The following FREM2 variants were observed in gnomAD, a reference collection of about 807,000 sequenced individuals.
FREM2 encodes the protein FRAS1-related extracellular matrix protein 2.
A neutral mutation model predicts 219.9 loss-of-function variants in FREM2; 119 were observed. The observed-to-expected ratio is 0.54, with a 90% CI of 0.47 to 0.63. FREM2 has a LOEUF of 0.63. Ranked by LOEUF, FREM2 falls within the 30% of genes least tolerant of loss-of-function variation. FREM2 has a pLI of 0.00. For synonymous variants in FREM2, 1,562 were observed against 1,522.8 expected (o/e 1.03, Z -0.60); for missense variants, 4,030 against 3,993.6 (o/e 1.01, Z -0.25).
intron 2 of FREM2, among the ~76,000 whole-genome samples, chr13:38,741,474 A>T (rs1042874798): frequency 6.6e-6 from 1 of 152,106 alleles, no homozygotes; most frequent in African/African-American, 2.4e-5. Flanking sequence ...TGCTCAATAA[A>T]TTTTTCTGAA....
chr13:38,841,042 T>C (rs1876943265), intron 6 of FREM2, among the ~76,000 whole-genome samples: 1 of 152,190 alleles, frequency 6.6e-6, no homozygotes, highest in Admixed American at 6.5e-5. Context: ...ATATGCATCC[T>C]AGTTCTGCTA....
At position 38,861,967 on chromosome 13, in the gene FREM2, G is replaced by A. The variant is rs914158317; in HGVS notation, c.7651+405G>A. On this transcript the variant is annotated intron_variant, in intron 15 of 23. Coordinates refer to ENST00000280481, the MANE Select transcript of FREM2 (RefSeq NM_207361.6). ...CTCTCTCAATATTTATCATGTAACT[G>A]TAAGACATTTCCAAGATATTTAAAT... Among the ~76,000 whole-genome samples the A allele has an allele frequency of 3.9e-5, 6 of 152,114 alleles. No individual in the cohort carries two copies. In the East Asian group the frequency reaches 1.2e-3, roughly 29 times the overall value.
At chr13:38,740,486 T>C (rs914839103) in intron 2 of FREM2, among the ~76,000 whole-genome samples, 2 of 152,192 alleles carry the variant, frequency 1.3e-5, no homozygotes, top group African/African-American at 4.8e-5. Flanking sequence ...TTGGAGCTAG[T>C]AGATGAATTT....
chr13:38,869,702 C>T (rs1878093818), intron 16 of FREM2, among the ~76,000 whole-genome samples: 1 of 152,194 alleles, frequency 6.6e-6, no homozygotes, highest in Non-Finnish European at 1.5e-5. Context: ...TGATTCCACT[C>T]TACCTTTGTG....
intron 2 of FREM2, among the ~76,000 whole-genome samples, chr13:38,719,245 A>T (rs190298212): frequency 6.6e-6 from 1 of 152,124 alleles, no homozygotes; most frequent in Admixed American, 6.5e-5. Context: ...TTTGAGATGG[A>T]GTTTCGCTCT....
At chr13:38,718,043 T>C (rs1392032361) in intron 2 of FREM2, among the ~76,000 whole-genome samples, 4 of 152,204 alleles carry the variant, frequency 2.6e-5, no homozygotes, top group African/African-American at 7.2e-5. Context: ...AATTAGCAAT[T>C]AACTGTGTCT....
At position 38,687,712 on chromosome 13, in the gene FREM2, G is replaced by A. The variant is rs114929883; in HGVS notation, c.368G>A (p.Ser123Asn). The change falls in exon 1 of 24, where the codon AGT (serine) becomes AAT (asparagine). Residue 123 changes from serine (S) to asparagine (N), a missense_variant. By Grantham distance (46) the Ser-to-Asn change is conservative. This residue lies in a region of FREM2 where 3,102 missense variants were observed against 2,950.7 expected (regional missense o/e 1.05). Coordinates refer to ENST00000280481, the MANE Select transcript of FREM2 (RefSeq NM_207361.6). ...CTGGCCCAGCGACCGGGCCGCCTGA[G>A]TCCCAAGCGCTTCCCGTGCGACTTT... ...DALAQRPGRL[S>N]PKRFPCDFGP... is the part of the protein sequence containing the mutation. 1.9e-6 allele frequency: 3 copies of A among 1,559,800 alleles called. No homozygotes were observed. The East Asian group carries it at 6.8e-5, about 35-fold the overall frequency.
chr13:38,758,549 C>G (rs1873106149), intron 2 of FREM2, among the ~76,000 whole-genome samples: 2 of 152,146 alleles, frequency 1.3e-5, no homozygotes, highest in Admixed American at 6.5e-5. Context: ...GAATGCCAGC[C>G]CCTGGGGGCA....
In FREM2 at chr13:38,692,230, A is replaced by T. The variant is rs553816676; in HGVS notation, c.4886A>T (p.Tyr1629Phe). 3.1e-6 allele frequency: 5 copies of T among 1,614,084 alleles called. No homozygotes were observed. The highest frequency in any genetic ancestry group is 3.3e-5 in the Admixed American group (2 of 60,010). ...TVTDGTHTDF[Y>F]VFPDTVFETR... ...ACTGATGGCACCCATACAGACTTCT[A>T]TGTTTTTCCTGATACGGTGTTTGAA... The change falls in exon 1 of 24, where the codon TAT becomes TTT. Residue 1629 changes from tyrosine (Y) to phenylalanine (F), a missense_variant. Around this residue, in one of 2 missense-constraint regions of FREM2, gnomAD observed 3,102 missense variants for 2,950.7 expected, o/e 1.05. Coordinates refer to ENST00000280481, the MANE Select transcript of FREM2 (RefSeq NM_207361.6).
In FREM2 at chr13:38,878,990, C is replaced by G. The variant is rs1329560497; in HGVS notation, c.9006+13C>G. 6.2e-7 allele frequency: 1 copy of G among 1,613,782 alleles called. No homozygotes were observed. Among genetic ancestry groups the G allele is most frequent in the Non-Finnish European group, 8.5e-7 (1 of 1,179,634 alleles). On this transcript the variant is annotated intron_variant, in intron 23 of 23. Transcript: ENST00000280481. ...ACCACTCTTTCAGGTAGGCCAAAAA[C>G]AAGCTCATTTGTAGTAGTTGTGTAC...
chr13:38,706,043 A>G (rs1391735131), intron 2 of FREM2, among the ~76,000 whole-genome samples: 1 of 152,250 alleles, frequency 6.6e-6, no homozygotes, highest in Non-Finnish European at 1.5e-5. Flanking sequence ...CATTACAAAA[A>G]TGATAACAAA....
At chr13:38,822,313 G>A (rs1014644908) in intron 6 of FREM2, among the ~76,000 whole-genome samples, 12 of 150,188 alleles carry the variant, frequency 8.0e-5, no homozygotes, top group Non-Finnish European at 1.3e-4. Context: ...AAGCTCTGTG[G>A]TCAAAATGCC....
At chr13:38,749,559 C>T (rs1352062438) in intron 2 of FREM2, among the ~76,000 whole-genome samples, 1 of 152,084 alleles carries the variant, frequency 6.6e-6, no homozygotes, top group African/African-American at 2.4e-5. Context: ...CATTTGGGGC[C>T]AGATAATTCT....
chr13:38,768,015 C>T lies in FREM2; in HGVS notation c.5411-1563C>T, dbSNP rs552593583. On this transcript the variant is annotated intron_variant, in intron 3 of 23. Coordinates refer to ENST00000280481, the MANE Select transcript of FREM2 (RefSeq NM_207361.6). Reference sequence around the variant, plus strand: ...TCAAATGACTCTTATATAAGCACTACGAAGGCAAGAGTTTTTGTCTGTTTT... The same window carrying T: ...TCAAATGACTCTTATATAAGCACTATGAAGGCAAGAGTTTTTGTCTGTTTT... 9.9e-5 allele frequency among the ~76,000 whole-genome samples: 15 copies of T among 152,164 alleles called. No homozygotes were observed. In the East Asian group the frequency reaches 2.9e-3, roughly 29 times the overall value.
intron 2 of FREM2, among the ~76,000 whole-genome samples, chr13:38,713,873 C>G (rs761441949): frequency 1.3e-5 from 2 of 152,140 alleles, no homozygotes; most frequent in African/African-American, 2.4e-5. Flanking sequence ...TTTGACTTAC[C>G]CACTTGGGGG....
chr13:38,836,053 C>A (rs1262847377), intron 6 of FREM2, among the ~76,000 whole-genome samples: 5 of 152,090 alleles, frequency 3.3e-5, no homozygotes, highest in Non-Finnish European at 5.9e-5. Context: ...AGCTTTTGCC[C>A]ATTTGTGTGA....
chr13:38,833,021 A>G (rs1876571918), intron 6 of FREM2, among the ~76,000 whole-genome samples: 1 of 152,162 alleles, frequency 6.6e-6, no homozygotes, highest in African/African-American at 2.4e-5. Flanking sequence ...CCTGGGTGAC[A>G]GAATGAGACT....
chr13:38,778,569 T>C (rs1207645614), intron 4 of FREM2, among the ~76,000 whole-genome samples: 6 of 151,882 alleles, frequency 4.0e-5, no homozygotes, highest in African/African-American at 1.5e-4. Context: ...ACACAAACAT[T>C]CAGCCCATAA....
At chr13:38,707,987 C>T (rs1308093917) in intron 2 of FREM2, among the ~76,000 whole-genome samples, 1 of 152,210 alleles carries the variant, frequency 6.6e-6, no homozygotes, top group African/African-American at 2.4e-5. Context: ...TTCCCTGGTT[C>T]CTGAATTTCT....
Sources: gnomAD v4.1 joint callset for allele counts (sites outside exome capture counted in the v4.1 genomes callset) on GRCh38, gnomAD v4.1.1 for gene constraint, gnomAD v4.1.1 regional missense constraint, MANE v1.5 for transcripts, NCBI Gene and HGNC (gene_info 2026-07-23, HGNC 2026-07-21) for gene names.